The following SHOC2 variants were observed in gnomAD, a reference collection of about 807,000 sequenced individuals.
SHOC2 encodes the protein SHOC2 leucine rich repeat scaffold protein.
SHOC2 carries 4 observed loss-of-function variants against 50.2 expected under a neutral mutation model. The observed-to-expected ratio is 0.08, with a 90% CI of 0.04 to 0.18. The LOEUF is 0.18. Ranked by LOEUF, SHOC2 falls within the 10% of genes least tolerant of loss-of-function variation. The pLI, the probability that SHOC2 is intolerant of heterozygous loss-of-function variation, is 1.00. For missense variants in SHOC2, 388 were observed against 669.6 expected, an observed-to-expected ratio of 0.58 and a Z score of 4.64; for synonymous variants, 218 against 244.5, an observed-to-expected ratio of 0.89 and a Z score of 1.01.
chr10:110,977,941 G>A (rs1156319325), intron 2 of SHOC2, among the ~76,000 whole-genome samples: 1 of 152,144 alleles, frequency 6.6e-6, no homozygotes, highest in East Asian at 1.9e-4. Flanking sequence ...AAGAATTTAG[G>A]CAAACACTGC....
chr10:110,976,293 T>C (rs182947778), intron 2 of SHOC2, among the ~76,000 whole-genome samples: 35 of 152,170 alleles, frequency 2.3e-4, no homozygotes, highest in Non-Finnish European at 4.4e-4. Flanking sequence ...TCAGCTTTGT[T>C]TATTTTAAAA....
intron 1 of SHOC2, among the ~76,000 whole-genome samples, chr10:110,938,725 A>G (rs573414566): frequency 9.2e-5 from 14 of 152,324 alleles, no homozygotes; most frequent in South Asian, 2.1e-4. Flanking sequence ...TTCCAAACCT[A>G]TTTGATAGTG....
chr10:110,943,564 T>C (rs995811286), intron 1 of SHOC2, among the ~76,000 whole-genome samples: 3 of 152,222 alleles, frequency 2.0e-5, no homozygotes, highest in African/African-American at 7.2e-5. Context: ...TATTAAATTT[T>C]CATTTACAAC....
In SHOC2 at chr10:110,982,495, T is replaced by C. The variant is rs560802035; in HGVS notation, c.704-3133T>C. On this transcript the variant is annotated intron_variant, in intron 2 of 8. Coordinates refer to ENST00000369452, the MANE Select transcript of SHOC2 (RefSeq NM_007373.4). Reference sequence around the variant, plus strand: ...CAACAGTGTAAAAGTGTTCTTATTTTTCCACATCCTCTCCAGCACCTGTTG... The same window carrying C: ...CAACAGTGTAAAAGTGTTCTTATTTCTCCACATCCTCTCCAGCACCTGTTG... Among the ~76,000 whole-genome samples, 853 of 152,088 alleles carry C rather than the reference T, an allele frequency of 5.6e-3. 7 individuals are homozygous for C. The highest frequency in any genetic ancestry group is 9.8e-3 in the Non-Finnish European group (666 of 67,900).
At chr10:110,919,481 C>A (rs1446047484), upstream of SHOC2, 16 of 387,982 alleles carry the variant, frequency 4.1e-5, no homozygotes, top group Non-Finnish European at 6.3e-5. Context: ...GACGGGCCCA[C>A]GGCAGAGGGG....
At chr10:110,959,070 G>A (rs1201532390) in intron 1 of SHOC2, among the ~76,000 whole-genome samples, 1 of 151,966 alleles carries the variant, frequency 6.6e-6, no homozygotes, top group African/African-American at 2.4e-5. Context: ...AAATGCTTAG[G>A]CACAATGATA....
chr10:110,993,535 T>C (rs1848219859), intron 3 of SHOC2, among the ~76,000 whole-genome samples: 1 of 152,170 alleles, frequency 6.6e-6, no homozygotes, highest in African/African-American at 2.4e-5. Context: ...ATAGATTACA[T>C]TGTTAGAAAT....
chr10:110,946,400 G>A (rs1041971209), intron 1 of SHOC2, among the ~76,000 whole-genome samples: 15 of 149,658 alleles, frequency 1.0e-4, no homozygotes, highest in African/African-American at 3.7e-4. Flanking sequence ...ATATACAGCT[G>A]CAAACCAAAT....
chr10:110,952,923 A>G (rs758794675), intron 1 of SHOC2, among the ~76,000 whole-genome samples: 2 of 152,152 alleles, frequency 1.3e-5, no homozygotes, highest in Non-Finnish European at 2.9e-5. Flanking sequence ...ATAGTATTCC[A>G]TGGTATATAT....
At chr10:110,962,352 C>T (rs1341181872) in intron 1 of SHOC2, among the ~76,000 whole-genome samples, 4 of 152,058 alleles carry the variant, frequency 2.6e-5, no homozygotes, top group Non-Finnish European at 5.9e-5. Flanking sequence ...TCCCATTATT[C>T]AGTTGTATGG....
At chr10:111,007,708 T>G (rs1848496409) in intron 6 of SHOC2, 55 bp downstream of exon 6, 1 of 1,584,102 alleles carries the variant, frequency 6.3e-7, no homozygotes, top group African/African-American at 1.3e-5. Flanking sequence ...GTATCTCATT[T>G]AAAAATTTCA....
chr10:110,965,853 A>G (rs1847664123), intron 2 of SHOC2, among the ~76,000 whole-genome samples: 1 of 152,172 alleles, frequency 6.6e-6, no homozygotes, highest in African/African-American at 2.4e-5. Flanking sequence ...CATTTGGAAT[A>G]TAGTAATCCA....
intron 3 of SHOC2, among the ~76,000 whole-genome samples, chr10:110,996,507 G>A (rs1848270940): frequency 1.3e-5 from 2 of 151,414 alleles, no homozygotes; most frequent in Admixed American, 6.6e-5. Context: ...CAGCATGGGC[G>A]ACAGAGTCAG....
In SHOC2 at chr10:110,965,563, T is replaced by A. The variant is rs77495529; in HGVS notation, c.703+502T>A. On this transcript the variant is annotated intron_variant, in intron 2 of 8. Coordinates refer to ENST00000369452, the MANE Select transcript of SHOC2 (RefSeq NM_007373.4). Reference sequence around the variant, plus strand: ...AGTGTCATAAGAAATAGAAAAAAAATTTTTTTTTGCATCTTGAAAGTACTT... The same window carrying A: ...AGTGTCATAAGAAATAGAAAAAAAAATTTTTTTTGCATCTTGAAAGTACTT... Among the ~76,000 whole-genome samples, 67 of 151,594 alleles carry A rather than the reference T, an allele frequency of 4.4e-4. No individual in the cohort carries two copies. In the East Asian group the frequency reaches 7.1e-3, roughly 16 times the overall value.
At chr10:110,996,604 A>G (rs1848272773) in intron 3 of SHOC2, among the ~76,000 whole-genome samples, 3 of 152,164 alleles carry the variant, frequency 2.0e-5, no homozygotes, top group African/African-American at 7.2e-5. Context: ...GAATACAAAT[A>G]GAATTTTGTG....
chr10:110,988,560 T>C (rs1317965165), intron 3 of SHOC2, among the ~76,000 whole-genome samples: 2 of 152,192 alleles, frequency 1.3e-5, no homozygotes, highest in African/African-American at 2.4e-5. Context: ...ATTCCTGATA[T>C]CAAGAATTTG....
chr10:110,966,255 G>GT (rs1847673309), intron 2 of SHOC2, among the ~76,000 whole-genome samples: 1 of 151,944 alleles, frequency 6.6e-6, no homozygotes, highest in Non-Finnish European at 1.5e-5. Flanking sequence ...TTTATGATAG[G>GT]TTTTCTCAAG....
At chr10:110,990,364 G>C (rs12357075) in intron 3 of SHOC2, among the ~76,000 whole-genome samples, 5,792 of 152,110 alleles carry the variant, frequency 0.038, 155 homozygotes, top group East Asian at 0.071. Flanking sequence ...TGGGGACGTG[G>C]AGAACCTTTA....
Position 110,950,260 on chromosome 10 carries a change from GAAGTT to G in SHOC2, c.-234-13861_-234-13857del, listed in dbSNP as rs546223793. Among the ~76,000 whole-genome samples, 12 of 151,834 alleles carry G rather than the reference GAAGTT, an allele frequency of 7.9e-5. 1 individual carries two copies. In the East Asian group the frequency reaches 2.1e-3, roughly 27 times the overall value. On this transcript the variant is annotated intron_variant, in intron 1 of 8. Coordinates refer to ENST00000369452, the MANE Select transcript of SHOC2 (RefSeq NM_007373.4). ...GTTTCCATAAACTAACAATGAATAAGAAGTTAAGAAAACAATCCCCTGTACAGTAG... is the reference window on the plus strand; with the variant it reads ...GTTTCCATAAACTAACAATGAATAAGAAGAAAACAATCCCCTGTACAGTAG...
Sources: allele counts gnomAD v4.1 joint callset (sites outside exome capture counted in the v4.1 genomes callset), GRCh38; gene constraint gnomAD v4.1.1; transcripts MANE v1.5; gene names NCBI Gene and HGNC (gene_info 2026-07-23, HGNC 2026-07-21).